The following DNMT3A variants were observed in gnomAD, a reference collection of about 807,000 sequenced individuals.
DNMT3A encodes the protein DNA methyltransferase 3 alpha.
Under a neutral mutation model 117.6 loss-of-function variants are expected in DNMT3A, and 267 were observed. The ratio of observed to expected loss-of-function variants is 2.27; its 90% CI spans 2.05 to 2.51. The LOEUF (loss-of-function observed/expected upper bound fraction) is 2.51. DNMT3A is among the 30% of genes most tolerant of loss of function. The pLI, the probability that DNMT3A is intolerant of heterozygous loss-of-function variation, is 0.00. For synonymous variants in DNMT3A, 432 were observed against 474.8 expected, an observed-to-expected ratio of 0.91 and a Z score of 1.17; for missense variants, 1,029 against 1,260.2, an observed-to-expected ratio of 0.82 and a Z score of 2.78.
At chr2:25,264,538 G>A (rs1376950715) in intron 6 of DNMT3A, among the ~76,000 whole-genome samples, 1 of 151,808 alleles carries the variant, frequency 6.6e-6, no homozygotes, top group African/African-American at 2.4e-5. Context: ...TGCGATCTCG[G>A]CTCACTGCAA....
chr2:25,282,338 G>T lies in DNMT3A; in HGVS notation c.448+103C>A, dbSNP rs776091020. ...CCTTGGCAAGCAGACCTTTAGCCAC[G>T]ACCCAGACCATCCTTCCTGGGACCT... On this transcript the variant is annotated intron_variant, in intron 4 of 22. Transcript: ENST00000321117. This position sits in a 1 kb window ranked among gnomAD's most constrained non-coding sequence, Gnocchi z 5.2. 1.6e-5 allele frequency: 25 copies of T among 1,518,522 alleles called. No individual in the cohort carries two copies. The highest frequency in any genetic ancestry group is 3.7e-5 in the South Asian group (3 of 81,500). 94.1% of individuals were successfully genotyped at this position (1,518,522 alleles called of 1,614,324 possible). A position where few individuals can be genotyped will look rare whatever the true frequency, so the allele number is the denominator to read the frequency against.
At chr2:25,241,048 T>C (rs913435486) in intron 17 of DNMT3A, among the ~76,000 whole-genome samples, 2 of 152,120 alleles carry the variant, frequency 1.3e-5, no homozygotes, top group African/African-American at 4.8e-5. Context: ...TTAGGCAGGG[T>C]GTCTGGGCCA....
chr2:25,252,309 C>T lies in DNMT3A; in HGVS notation c.640-4057G>A. 5.5e-5 allele frequency: 3 copies of T among 54,908 alleles called. No individual in the cohort carries two copies. Among genetic ancestry groups the T allele is most frequent in the Non-Finnish European group, 1.1e-4 (3 of 28,196 alleles). 3.4% of individuals were successfully genotyped at this position (54,908 alleles called of 1,614,324 possible). ...GGGAAGGGGGCGATGGGGCTGGGGG[C>T]GGAGGGGGCCACTGGGAGGGGAGGG... On this transcript the variant is annotated intron_variant, in intron 6 of 22. Coordinates refer to ENST00000321117, the MANE Select transcript of DNMT3A (RefSeq NM_022552.5). This position sits in a 1 kb window ranked among gnomAD's most constrained non-coding sequence, Gnocchi z 5.5.
intron 1 of DNMT3A, among the ~76,000 whole-genome samples, chr2:25,336,464 C>T (rs1206479342): frequency 6.6e-6 from 1 of 152,192 alleles, no homozygotes; most frequent in Non-Finnish European, 1.5e-5. Flanking sequence ...CAGACCAGAC[C>T]TGACCCTGGC....
At chr2:25,338,152 G>A (rs1182143986) in intron 1 of DNMT3A, among the ~76,000 whole-genome samples, 2 of 152,154 alleles carry the variant, frequency 1.3e-5, no homozygotes, top group African/African-American at 2.4e-5. Context: ...AGAGGCATGT[G>A]ACTGGCACGT....
chr2:25,274,499 G>C (rs2031224932), intron 6 of DNMT3A, among the ~76,000 whole-genome samples: 1 of 152,170 alleles, frequency 6.6e-6, no homozygotes, highest in South Asian at 2.1e-4. Flanking sequence ...AACAAGTCAA[G>C]GCCTTGCTGG....
At chr2:25,301,476 C>T (rs564686423) in intron 2 of DNMT3A, among the ~76,000 whole-genome samples, 2 of 152,268 alleles carry the variant, frequency 1.3e-5, no homozygotes, top group Admixed American at 6.5e-5. Context: ...CCATCTCTTG[C>T]ATTCACCGAG....
At chr2:25,271,329 A>C (rs565253599) in intron 6 of DNMT3A, among the ~76,000 whole-genome samples, 11 of 152,326 alleles carry the variant, frequency 7.2e-5, no homozygotes, top group Non-Finnish European at 1.6e-4. Context: ...CAGCCTTGAC[A>C]ACAAGAGTGA....
intron 3 of DNMT3A, among the ~76,000 whole-genome samples, chr2:25,284,683 C>CAA (rs11463858): frequency 2.1e-4 from 13 of 61,952 alleles, no homozygotes; most frequent in African/African-American, 4.7e-4. Flanking sequence ...AAAGACTATA[C>CAA]AAAAAAAAAA....
chr2:25,332,597 G>A (rs895051593), intron 1 of DNMT3A, among the ~76,000 whole-genome samples: 4 of 152,238 alleles, frequency 2.6e-5, no homozygotes, highest in African/African-American at 7.2e-5. Context: ...AAACTCAAGT[G>A]CTGCCAGGCC....
At chr2:25,316,554 C>A (rs2149432617) in intron 1 of DNMT3A, among the ~76,000 whole-genome samples, 1 of 152,310 alleles carries the variant, frequency 6.6e-6, no homozygotes, top group Admixed American at 6.5e-5. Flanking sequence ...CCCTAGGGGG[C>A]CCCAGTTGGT....
rs370209012 is a variant in DNMT3A, at chr2:25,288,457, G to C, written c.178-5746C>G. 1.1e-4 allele frequency among the ~76,000 whole-genome samples: 17 copies of C among 151,368 alleles called. No individual in the cohort carries two copies. The East Asian group carries it at 2.4e-3, about 21-fold the overall frequency. On this transcript the variant is annotated intron_variant, in intron 3 of 22. Coordinates refer to ENST00000321117, the MANE Select transcript of DNMT3A (RefSeq NM_022552.5). Reference sequence around the variant, plus strand: ...GGAGTGCAGTGGTGTTATCTCAGCTGACTGCCACCATGCCTGGCTAACTTT... The same window carrying C: ...GGAGTGCAGTGGTGTTATCTCAGCTCACTGCCACCATGCCTGGCTAACTTT...
rs1672840029 is a variant in DNMT3A at position 25,230,806 on chromosome 2, GGC to G, written c.*3471_*3472del. ...GTCCCTGCAAGGGGGGGGGGGGGGG[GGC>G]CATGACCCCTGGGGCATCTGGTCCA... On this transcript the variant is annotated 3_prime_UTR_variant, in exon 23 of 23. Transcript: ENST00000321117. The G allele has an allele frequency of 1.6e-5, 2 of 122,240 alleles. No individual in the cohort carries two copies. The highest frequency in any genetic ancestry group is 8.1e-5 in the Admixed American group (1 of 12,306). 7.6% of individuals were successfully genotyped at this position (122,240 alleles called of 1,614,324 possible).
intron 6 of DNMT3A, 32 bp downstream of exon 6, chr2:25,274,909 C>A: frequency 6.3e-7 from 1 of 1,589,640 alleles, no homozygotes. Flanking sequence ...TTCTGCAGGA[C>A]GGGCTGGGGC....
chr2:25,278,873 T>TA (rs2031671246), intron 4 of DNMT3A, among the ~76,000 whole-genome samples: 1 of 151,874 alleles, frequency 6.6e-6, no homozygotes, highest in Non-Finnish European at 1.5e-5. Context: ...ACATGGGGCA[T>TA]AATACACAGC....
chr2:25,335,813 C>A (rs1308016469), intron 1 of DNMT3A, among the ~76,000 whole-genome samples: 1 of 152,092 alleles, frequency 6.6e-6, no homozygotes, highest in East Asian at 1.9e-4. Flanking sequence ...GAGGAAAGAT[C>A]AATAGGGATG....
rs1558667351 is a variant in DNMT3A at position 25,245,266 on chromosome 2, C to T, written c.1541G>A (p.Cys514Tyr). ...GTGTGCTCCTACCTTGCAGTTTTGG[C>T]ACATTCCTCCAACGAAGAGGGGGTG... ...LEHPLFVGGM[C>Y]QNCKNCFLEC... Residue 514 changes from cysteine to tyrosine, a missense_variant, in exon 13 of 23, where the codon TGC (cysteine) becomes TAC (tyrosine). Transcript: ENST00000321117. 5.0e-6 allele frequency: 8 copies of T among 1,613,734 alleles called. No homozygotes were observed. Among genetic ancestry groups the T allele is most frequent in the East Asian group, 4.5e-5 (2 of 44,886 alleles).
In DNMT3A at chr2:25,252,959, C is replaced by T. The variant is rs181019330; in HGVS notation, c.640-4707G>A. ...AGCGGGGGGGCCTCAAAAAGCGCGG[C>T]GTGAGGAGGTCAGGCTTCGAGTCCC... is the stretch of plus-strand genomic sequence containing the variant. On this transcript the variant is annotated intron_variant, in intron 6 of 22. Transcript: ENST00000321117. The surrounding 1 kb of genome is among the most constrained non-coding windows in gnomAD (Gnocchi z 5.5). Among the ~76,000 whole-genome samples, 1 of 152,026 alleles carries T rather than the reference C, an allele frequency of 6.6e-6. No homozygotes were observed. The highest frequency in any genetic ancestry group is 2.1e-4 in the South Asian group (1 of 4,818).
intron 6 of DNMT3A, among the ~76,000 whole-genome samples, chr2:25,261,760 A>T (rs1012232961): frequency 6.6e-6 from 1 of 152,148 alleles, no homozygotes; most frequent in Admixed American, 6.5e-5. Flanking sequence ...ACCTGCTCCC[A>T]GAAGTCCCAT....
Sources: gnomAD v4.1 joint callset for allele counts (sites outside exome capture counted in the v4.1 genomes callset) on GRCh38, gnomAD v4.1.1 for gene constraint, Gnocchi (gnomAD v3.1) non-coding constraint, MANE v1.5 for transcripts, NCBI Gene and HGNC (gene_info 2026-07-23, HGNC 2026-07-21) for gene names.